ZFAT: variants seen among roughly 807,000 people sequenced by gnomAD.
ZFAT encodes zinc finger protein ZFAT.
A neutral mutation model predicts 117.7 loss-of-function variants in ZFAT; 64 were observed. The ratio of observed to expected loss-of-function variants is 0.54; its 90% CI spans 0.44 to 0.67. ZFAT has a LOEUF of 0.67. Ranked by LOEUF, ZFAT falls within the 30% of genes least tolerant of loss-of-function variation. The pLI is 0.00. For synonymous variants in ZFAT, 679 were observed against 615.0 expected (o/e 1.10, Z -1.54); for missense variants, 1,433 against 1,584.5 (o/e 0.90, Z 1.62).
intron 3 of ZFAT, among the ~76,000 whole-genome samples, chr8:134,616,489 C>G (rs1484377194): frequency 6.6e-6 from 1 of 152,204 alleles, no homozygotes; most frequent in African/African-American, 2.4e-5. Flanking sequence ...GCTGATGATG[C>G]TTTTCTGAGG....
chr8:134,615,499 T>C (rs1210339292), intron 3 of ZFAT, among the ~76,000 whole-genome samples: 1 of 152,112 alleles, frequency 6.6e-6, no homozygotes, highest in Non-Finnish European at 1.5e-5. Flanking sequence ...CATGGCAACA[T>C]CTTGAGAGTC....
At chr8:134,551,574 AT>A (rs1325530257) in intron 11 of ZFAT, among the ~76,000 whole-genome samples, 1 of 152,234 alleles carries the variant, frequency 6.6e-6, no homozygotes, top group Non-Finnish European at 1.5e-5. Context: ...ATGACTCAGC[AT>A]TCTGAGGGGG....
chr8:134,487,861 T>C (rs1222951857), intron 15 of ZFAT, among the ~76,000 whole-genome samples: 2 of 152,230 alleles, frequency 1.3e-5, no homozygotes, highest in Admixed American at 6.5e-5. Context: ...ACCTGTGTCA[T>C]GCTCTCCCTC....
intron 11 of ZFAT, among the ~76,000 whole-genome samples, chr8:134,555,678 A>G (rs1462136488): frequency 6.6e-6 from 1 of 152,128 alleles, no homozygotes; most frequent in Non-Finnish European, 1.5e-5. Flanking sequence ...ACATCTCTGC[A>G]GCCCTGCAGG....
At chr8:134,817,426 CACACACACACA>C in the ZFAT span, among the ~76,000 whole-genome samples, 2 of 125,682 alleles carry the variant, frequency 1.6e-5, no homozygotes, top group East Asian at 4.0e-4. Flanking sequence ...CACACACACA[CACACACACACA>C]ACGCACCCTT....
At chr8:134,796,806 T>C in the ZFAT span, 2 of 152,174 alleles carry the variant, frequency 1.3e-5, no homozygotes, top group East Asian at 3.8e-4. Context: ...TAAATATATA[T>C]ATGTATGCAA....
intron 2 of ZFAT, among the ~76,000 whole-genome samples, chr8:134,653,410 G>GTTTTATCT (rs1831395849): frequency 8.2e-6 from 1 of 122,326 alleles, no homozygotes; most frequent in African/African-American, 3.0e-5. Flanking sequence ...GGCACAAGCC[G>GTTTTATCT]TTTTATCTGT....
rs116559233 is a variant in ZFAT at position 134,689,269 on chromosome 8, T to C, written c.19+23576A>G. Among the ~76,000 whole-genome samples the C allele has an allele frequency of 6.3e-3, 955 of 152,360 alleles. 11 individuals are homozygous for C. Among genetic ancestry groups the C allele is most frequent in the African/African-American group, 0.021 (889 of 41,580 alleles). ...AATCTGCCCCTTAATTAGCACGTCA[T>C]TGAAAGTGGGTATAAATTTGGCCGC... On this transcript the variant is annotated intron_variant, in intron 1 of 15. Coordinates refer to ENST00000377838, the MANE Select transcript of ZFAT (RefSeq NM_020863.4).
intron 12 of ZFAT, 143 bp from the exon 13 acceptor site, chr8:134,521,144 T>G: frequency 1.7e-6 from 1 of 602,802 alleles, no homozygotes; most frequent in Non-Finnish European, 2.9e-6. Flanking sequence ...CTTACCTTAG[T>G]ATTGGAACAC....
the ZFAT span, among the ~76,000 whole-genome samples, chr8:134,802,343 G>A: frequency 6.6e-6 from 1 of 152,154 alleles, no homozygotes; most frequent in Admixed American, 6.6e-5. Context: ...TTGATCCAAT[G>A]AATAAAGCTG....
At chr8:134,786,713 A>C in the ZFAT span, among the ~76,000 whole-genome samples, 1 of 152,186 alleles carries the variant, frequency 6.6e-6, no homozygotes, top group Non-Finnish European at 1.5e-5. Flanking sequence ...ACTAATACAT[A>C]TTTGGCAACA....
chr8:134,682,848 T>C (rs1297054720), intron 1 of ZFAT, among the ~76,000 whole-genome samples: 59 of 152,162 alleles, frequency 3.9e-4, no homozygotes, highest in Non-Finnish European at 1.5e-5. Flanking sequence ...TAAGCCTGGC[T>C]TCTGAGCTCA....
intron 4 of ZFAT, 41 bp from the exon 5 acceptor site, chr8:134,608,920 G>T (rs556270006): frequency 1.3e-6 from 2 of 1,584,800 alleles, no homozygotes; most frequent in East Asian, 4.5e-5. Context: ...GAGAGGCATC[G>T]AAAGTGGGCA....
chr8:134,588,601 G>A (rs961075325), intron 8 of ZFAT, among the ~76,000 whole-genome samples: 1 of 152,192 alleles, frequency 6.6e-6, no homozygotes, highest in East Asian at 1.9e-4. Flanking sequence ...ATGAGGAATG[G>A]AGAAGCAACA....
intron 3 of ZFAT, among the ~76,000 whole-genome samples, chr8:134,622,528 T>C (rs367615249): frequency 6.6e-6 from 1 of 152,240 alleles, no homozygotes; most frequent in South Asian, 2.1e-4. Context: ...GGACCATTAC[T>C]TAAGGAACAG....
intron 11 of ZFAT, among the ~76,000 whole-genome samples, chr8:134,557,246 CA>C (rs1823708701): frequency 6.6e-6 from 1 of 152,086 alleles, no homozygotes; most frequent in Non-Finnish European, 1.5e-5. Context: ...TCAGCAAATC[CA>C]AACTGAGGGA....
intron 3 of ZFAT, among the ~76,000 whole-genome samples, chr8:134,612,284 G>A (rs552110152): frequency 2.0e-5 from 3 of 152,258 alleles, no homozygotes; most frequent in Non-Finnish European, 2.9e-5. Context: ...CTGCAAGGTC[G>A]GGTCATAGGG....
At chr8:134,598,663 T>TA (rs1016162280) in intron 7 of ZFAT, 1 of 152,208 alleles carries the variant, frequency 6.6e-6, no homozygotes, top group African/African-American at 2.4e-5. Context: ...TCCCAGGTGG[T>TA]AAAGCTCAAT....
At chr8:134,734,782 C>T in the ZFAT span, among the ~76,000 whole-genome samples, 1 of 152,212 alleles carries the variant, frequency 6.6e-6, no homozygotes, top group Non-Finnish European at 1.5e-5. Context: ...TGCTGGCCCA[C>T]AGCTACTGCT....
Sources: gnomAD v4.1 joint callset for allele counts (sites outside exome capture counted in the v4.1 genomes callset) on GRCh38, gnomAD v4.1.1 for gene constraint, MANE v1.5 for transcripts, NCBI Gene and HGNC (gene_info 2026-07-23, HGNC 2026-07-21) for gene names.